EPB41L3: variants seen among roughly 807,000 people sequenced by gnomAD.
EPB41L3 encodes the protein erythrocyte membrane protein band 4.1 like 3.
Under a neutral mutation model 127.1 loss-of-function variants are expected in EPB41L3, and 57 were observed. The ratio of observed to expected loss-of-function variants is 0.45; its 90% CI spans 0.36 to 0.56. The LOEUF is 0.56. Among genes scored for constraint, EPB41L3 ranks in the 20% least tolerant of loss-of-function variants. The pLI is 0.00. For synonymous variants in EPB41L3, 572 were observed against 549.5 expected, an observed-to-expected ratio of 1.04 and a Z score of -0.57; for missense variants, 1,273 against 1,372.2, an observed-to-expected ratio of 0.93 and a Z score of 1.14.
intron 3 of EPB41L3, among the ~76,000 whole-genome samples, chr18:5,596,103 C>T (rs1030679994): frequency 1.3e-5 from 2 of 152,204 alleles, no homozygotes; most frequent in African/African-American, 4.8e-5. Flanking sequence ...AGTGTCCATC[C>T]TCTGAATATT....
At chr18:5,563,572 C>T (rs1419465860) in intron 3 of EPB41L3, among the ~76,000 whole-genome samples, 1 of 152,124 alleles carries the variant, frequency 6.6e-6, no homozygotes, top group Non-Finnish European at 1.5e-5. Context: ...CAGGACTTGA[C>T]GTCCCATTAC....
intron 3 of EPB41L3, among the ~76,000 whole-genome samples, chr18:5,610,627 T>G (rs2094714898): frequency 6.6e-6 from 1 of 152,014 alleles, no homozygotes; most frequent in South Asian, 2.1e-4. Context: ...AAAATAATAA[T>G]CAGAAAATCT....
chr18:5,447,858 C>A (rs918686967), intron 3 of EPB41L3, among the ~76,000 whole-genome samples: 6 of 152,260 alleles, frequency 3.9e-5, no homozygotes, highest in African/African-American at 1.4e-4. Context: ...CAGATCTTTT[C>A]TTACTGAATA....
chr18:5,608,050 T>C (rs1167573428), intron 3 of EPB41L3, among the ~76,000 whole-genome samples: 2 of 152,192 alleles, frequency 1.3e-5, no homozygotes, highest in Admixed American at 6.5e-5. Flanking sequence ...GGTTTAGCTG[T>C]GCTGCAGTCT....
chr18:5,423,560 A>T lies in EPB41L3; in HGVS notation c.1164-7T>A, dbSNP rs377766490. On this transcript the variant is annotated splice_region_variant and splice_polypyrimidine_tract_variant and intron_variant, in intron 10 of 22. Coordinates refer to ENST00000341928, the MANE Select transcript of EPB41L3 (RefSeq NM_012307.5). ...TGCTTCTGGTAACAGTAGTCTAAAG[A>T]GAATAAAGAAAAACAGCAGAAAGAC... 4.3e-5 allele frequency: 68 copies of T among 1,587,912 alleles called. No homozygotes were observed. The highest frequency in any genetic ancestry group is 3.1e-4 in the Admixed American group (18 of 57,462).
chr18:5,591,004 C>T (rs1213390234), intron 3 of EPB41L3, among the ~76,000 whole-genome samples: 1 of 152,056 alleles, frequency 6.6e-6, no homozygotes, highest in African/African-American at 2.4e-5. Flanking sequence ...TCTCACAAAT[C>T]TGTACATACA....
At position 5,543,587 on chromosome 18, in the gene EPB41L3, A is replaced by C. The variant is rs1411254140; in HGVS notation, c.-12+326T>G. Among the ~76,000 whole-genome samples the C allele has an allele frequency of 3.4e-5, 5 of 147,046 alleles. No individual in the cohort carries two copies. Among genetic ancestry groups the C allele is most frequent in the Admixed American group, 2.0e-4 (3 of 14,848 alleles). On this transcript the variant is annotated intron_variant, in intron 1 of 22. Coordinates refer to ENST00000341928, the MANE Select transcript of EPB41L3 (RefSeq NM_012307.5). This position sits in a 1 kb window ranked among gnomAD's most constrained non-coding sequence, Gnocchi z 5.2. ...CGGGGACCGAGTCGCCCCTTCGGCCAGGGATCCCAGGGAGGCCCCCAGGCC... is the reference window on the plus strand; with the variant it reads ...CGGGGACCGAGTCGCCCCTTCGGCCCGGGATCCCAGGGAGGCCCCCAGGCC...
intron 2 of EPB41L3, among the ~76,000 whole-genome samples, chr18:5,482,778 G>A (rs1032463189): frequency 2.0e-5 from 3 of 152,048 alleles, no homozygotes; most frequent in Non-Finnish European, 4.4e-5. Flanking sequence ...CAAATATAAA[G>A]GAGAGATCAA....
At chr18:5,443,612 T>C (rs1226265824) in intron 5 of EPB41L3, among the ~76,000 whole-genome samples, 3 of 152,238 alleles carry the variant, frequency 2.0e-5, no homozygotes, top group African/African-American at 7.2e-5. Context: ...GATTAAATCA[T>C]ATACTTGACA....
chr18:5,486,138 T>C (rs1183259134), intron 2 of EPB41L3, among the ~76,000 whole-genome samples: 6 of 152,022 alleles, frequency 3.9e-5, no homozygotes, highest in Non-Finnish European at 7.4e-5. Context: ...GGCATAAAAA[T>C]AGATACATAA....
intron 3 of EPB41L3, among the ~76,000 whole-genome samples, chr18:5,462,249 A>C (rs960925513): frequency 6.6e-6 from 1 of 152,252 alleles, no homozygotes; most frequent in Admixed American, 6.5e-5. Flanking sequence ...CCTCATAAAC[A>C]TGTAATGTTA....
At chr18:5,481,677 G>C (rs965348491) in intron 2 of EPB41L3, among the ~76,000 whole-genome samples, 13 of 152,200 alleles carry the variant, frequency 8.5e-5, no homozygotes, top group Non-Finnish European at 1.5e-4. Flanking sequence ...GGCCAAAGGA[G>C]ACACTGAATC....
At chr18:5,519,711 C>T (rs2092908464) in intron 1 of EPB41L3, among the ~76,000 whole-genome samples, 1 of 152,170 alleles carries the variant, frequency 6.6e-6, no homozygotes, top group Non-Finnish European at 1.5e-5. Flanking sequence ...CTTTCAACCG[C>T]TACATAATCA....
intron 1 of EPB41L3, among the ~76,000 whole-genome samples, chr18:5,497,997 A>G (rs182635508): frequency 3.9e-5 from 6 of 152,330 alleles, no homozygotes; most frequent in Admixed American, 3.9e-4. Context: ...ACTTGCTATT[A>G]AAGTTTCTAT....
intron 3 of EPB41L3, among the ~76,000 whole-genome samples, chr18:5,603,302 C>A (rs974509602): frequency 3.3e-5 from 5 of 152,082 alleles, no homozygotes; most frequent in Admixed American, 2.6e-4. Flanking sequence ...TGGAAATGAG[C>A]TAAGGCCCGC....
At chr18:5,565,194 C>T (rs541548235) in intron 3 of EPB41L3, among the ~76,000 whole-genome samples, 5 of 150,162 alleles carry the variant, frequency 3.3e-5, no homozygotes, top group East Asian at 3.9e-4. Context: ...GCCAGGAGTT[C>T]GAGACCAGCC....
chr18:5,478,175 T>C, intron 3 of EPB41L3, 66 bp downstream of exon 3: 1 of 1,430,006 alleles, frequency 7.0e-7, no homozygotes, highest in South Asian at 1.2e-5. Flanking sequence ...GCATCTTGTA[T>C]ATTTTATACC....
chr18:5,483,644 A>C (rs928656483), intron 2 of EPB41L3, among the ~76,000 whole-genome samples: 25 of 152,222 alleles, frequency 1.6e-4, no homozygotes, highest in African/African-American at 6.0e-4. Flanking sequence ...CATTCTATAC[A>C]ACTAGAAGCC....
intron 3 of EPB41L3, among the ~76,000 whole-genome samples, chr18:5,558,795 T>G (rs2094078584): frequency 6.6e-6 from 1 of 151,886 alleles, no homozygotes; most frequent in Non-Finnish European, 1.5e-5. Flanking sequence ...GCTACTATTA[T>G]TAATACTTAA....
Sources: allele counts gnomAD v4.1 joint callset (sites outside exome capture counted in the v4.1 genomes callset), GRCh38; gene constraint gnomAD v4.1.1; non-coding constraint Gnocchi (gnomAD v3.1); transcripts MANE v1.5; gene names NCBI Gene and HGNC (gene_info 2026-07-23, HGNC 2026-07-21).